EPHA6: variants seen among roughly 807,000 people sequenced by gnomAD.
The protein encoded by EPHA6 is EPH receptor A6.
EPHA6 carries 50 observed loss-of-function variants against 112.0 expected under a neutral mutation model. The ratio of observed to expected loss-of-function variants is 0.45; its 90% confidence interval spans 0.36 to 0.56. The LOEUF (loss-of-function observed/expected upper bound fraction) is 0.56. Among genes scored for constraint, EPHA6 ranks in the 20% least tolerant of loss-of-function variants. The probability of loss-of-function intolerance (pLI) is 0.00; values close to 1 mark genes in which losing one functional copy is unlikely to be tolerated. For synonymous variants in EPHA6, 529 were observed against 490.7 expected (o/e 1.08, Z -1.03); for missense variants, 1,280 against 1,417.4 (o/e 0.90, Z 1.56).
Position 97,750,157 on chromosome 3 carries a change from G to A in EPHA6, c.*1456G>A, listed in dbSNP as rs2107916348. On this transcript the variant is annotated 3_prime_UTR_variant, in exon 18 of 18. Coordinates refer to ENST00000389672, the MANE Select transcript of EPHA6 (RefSeq NM_001080448.3). ...TTTTAGGTGAAAGAGTAAGTAAAAT[G>A]TGTTGAGAGAAAAAAACAGAGTAGG... Among the ~76,000 whole-genome samples, 3 of 152,184 alleles carry A rather than the reference G, an allele frequency of 2.0e-5. No homozygotes were observed. In the South Asian group the frequency reaches 6.2e-4, roughly 32 times the overall value.
intron 10 of EPHA6, among the ~76,000 whole-genome samples, chr3:97,508,525 G>C (rs1428650551): frequency 6.6e-6 from 1 of 152,150 alleles, no homozygotes; most frequent in Admixed American, 6.6e-5. Context: ...TGGTCTGAGA[G>C]ACTGTTATAA....
At chr3:97,510,779 G>A (rs1424650855) in intron 10 of EPHA6, among the ~76,000 whole-genome samples, 2 of 152,224 alleles carry the variant, frequency 1.3e-5, no homozygotes, top group Non-Finnish European at 2.9e-5. Context: ...TGCTGAAGCT[G>A]CACCCATAGC....
chr3:97,167,828 G>GAATCCAAATATTCTTA (rs1404902001), intron 3 of EPHA6, among the ~76,000 whole-genome samples: 2 of 151,520 alleles, frequency 1.3e-5, no homozygotes, highest in African/African-American at 4.8e-5. Context: ...CTAATATTTG[G>GAATCCAAATATTCTTA]AATCCAAATA....
chr3:97,605,490 C>A (rs576267429), intron 12 of EPHA6, among the ~76,000 whole-genome samples: 1 of 151,642 alleles, frequency 6.6e-6, no homozygotes, highest in African/African-American at 2.4e-5. Context: ...TATCCCAGCA[C>A]CATTTGTTGA....
At chr3:97,534,151 G>A (rs2092729314) in intron 11 of EPHA6, among the ~76,000 whole-genome samples, 1 of 152,124 alleles carries the variant, frequency 6.6e-6, no homozygotes, top group Non-Finnish European at 1.5e-5. Context: ...TTCCACATCT[G>A]TAAAATGGGA....
At chr3:97,199,685 C>T (rs903534991) in intron 3 of EPHA6, among the ~76,000 whole-genome samples, 3 of 152,134 alleles carry the variant, frequency 2.0e-5, no homozygotes, top group Non-Finnish European at 4.4e-5. Flanking sequence ...TGTAACCAAG[C>T]TCTCAAATTC....
intron 1 of EPHA6, among the ~76,000 whole-genome samples, chr3:96,851,524 T>A (rs1236793644): frequency 6.6e-6 from 1 of 152,088 alleles, no homozygotes; most frequent in Non-Finnish European, 1.5e-5. Context: ...GTGACTAAGG[T>A]CCCTAAACAT....
At chr3:97,121,940 T>C (rs2048052532) in intron 3 of EPHA6, among the ~76,000 whole-genome samples, 1 of 152,052 alleles carries the variant, frequency 6.6e-6, no homozygotes, top group Non-Finnish European at 1.5e-5. Context: ...TGGTCCCCCA[T>C]ATTCATCACA....
intron 7 of EPHA6, among the ~76,000 whole-genome samples, chr3:97,458,442 G>A (rs1255835613): frequency 6.6e-6 from 1 of 152,040 alleles, no homozygotes; most frequent in Non-Finnish European, 1.5e-5. Flanking sequence ...CATAATCAGT[G>A]AGCAGACTAA....
chr3:96,997,749 G>A (rs2043476750), intron 3 of EPHA6, among the ~76,000 whole-genome samples: 1 of 152,004 alleles, frequency 6.6e-6, no homozygotes, highest in Non-Finnish European at 1.5e-5. Context: ...TAATAAGGAT[G>A]TAAAAGTTTG....
chr3:97,243,862 C>A, intron 4 of EPHA6, 90 bp from the exon 5 acceptor site: 1 of 954,862 alleles, frequency 1.0e-6, no homozygotes, highest in Non-Finnish European at 1.5e-6. Flanking sequence ...CATAAAAGAG[C>A]AACAAGTGTT....
intron 3 of EPHA6, among the ~76,000 whole-genome samples, chr3:97,203,216 T>G (rs1026348020): frequency 6.6e-6 from 1 of 152,144 alleles, no homozygotes; most frequent in African/African-American, 2.4e-5. Flanking sequence ...GTCAAAATTA[T>G]GTTGTAAGGT....
At chr3:97,621,501 A>G (rs1434346973) in intron 13 of EPHA6, among the ~76,000 whole-genome samples, 1 of 151,880 alleles carries the variant, frequency 6.6e-6, no homozygotes, top group Admixed American at 6.6e-5. Flanking sequence ...CAGTGGAAAA[A>G]TCTTGGCTAA....
intron 3 of EPHA6, chr3:97,009,985 G>GTT (rs746552671): frequency 1.5e-3 from 958 of 659,236 alleles, no homozygotes; most frequent in South Asian, 2.3e-3. Flanking sequence ...GCTTATCATT[G>GTT]TTTTTTTTTT....
intron 3 of EPHA6, among the ~76,000 whole-genome samples, chr3:97,045,638 T>C (rs2045478110): frequency 6.6e-6 from 1 of 152,014 alleles, no homozygotes; most frequent in Non-Finnish European, 1.5e-5. Flanking sequence ...GAAACTGAAA[T>C]AAGTAATTTC....
In EPHA6 at chr3:97,749,345, C is replaced by T. The variant is rs1359898378; in HGVS notation, c.*644C>T. ...TACTGTGTTTATAAATCTTCTGAGG[C>T]TGGGTTTGTCAATTTTTTAAAAATT... On this transcript the variant is annotated 3_prime_UTR_variant, in exon 18 of 18. Transcript: ENST00000389672. The T allele has an allele frequency of 4.8e-6, 1 of 210,428 alleles. No homozygotes were observed. The highest frequency in any genetic ancestry group is 2.3e-5 in the African/African-American group (1 of 44,004). The allele number at this position is 210,428 out of a possible 1,614,324, so 13.0% of individuals were successfully genotyped here.
intron 14 of EPHA6, among the ~76,000 whole-genome samples, chr3:97,658,520 C>T (rs910351846): frequency 1.3e-5 from 2 of 151,900 alleles, no homozygotes; most frequent in Non-Finnish European, 2.9e-5. Flanking sequence ...AAAACAATTA[C>T]ATATTATTTC....
chr3:97,345,744 A>T (rs930426315), intron 5 of EPHA6, among the ~76,000 whole-genome samples: 1 of 152,138 alleles, frequency 6.6e-6, no homozygotes, highest in African/African-American at 2.4e-5. Flanking sequence ...TATAACCTTT[A>T]CCCACAAATT....
intron 11 of EPHA6, among the ~76,000 whole-genome samples, chr3:97,547,770 G>A (rs1017576071): frequency 2.6e-5 from 4 of 152,182 alleles, no homozygotes; most frequent in Admixed American, 6.5e-5. Context: ...AGCAATGGTG[G>A]CGCCCCTCCC....
Sources: gnomAD v4.1 joint callset for allele counts (sites outside exome capture counted in the v4.1 genomes callset) on GRCh38, gnomAD v4.1.1 for gene constraint, MANE v1.5 for transcripts, NCBI Gene and HGNC (gene_info 2026-07-23, HGNC 2026-07-21) for gene names.